Variants in ZNF232 observed in about 807,000 individuals in gnomAD.
ZNF232 encodes zinc finger protein 232.
ZNF232 carries 25 observed loss-of-function variants against 25.2 expected under a neutral mutation model. That is an observed-to-expected ratio of 0.99 (90% CI 0.72 to 1.39). The LOEUF (loss-of-function observed/expected upper bound fraction) is 1.39. Among genes scored for constraint, ZNF232 ranks in the 40% most tolerant of loss-of-function variants. The pLI is 0.00. For synonymous variants in ZNF232, 193 were observed against 182.9 expected (o/e 1.06, Z -0.45); for missense variants, 519 against 520.9 (o/e 1.00, Z 0.04).
chr17:5,109,812 C>T, exon 2 of ZNF232: 1 of 1,614,096 alleles, frequency 6.2e-7, no homozygotes, highest in Non-Finnish European at 8.5e-7. Context: ...TACAGCCATC[C>T]TAGTCTGCAC....
chr17:5,108,971 T>C (rs1372916511), exon 3 of ZNF232: 1 of 1,614,176 alleles, frequency 6.2e-7, no homozygotes, highest in East Asian at 2.2e-5. Flanking sequence ...AGCTGGATGC[T>C]CAGTGCTTCC....
At chr17:5,114,524 G>C (rs1000177183), upstream of ZNF232, 1 of 152,324 alleles carries the variant, frequency 6.6e-6, no homozygotes, top group Non-Finnish European at 1.5e-5. Context: ...TGGATTCTCT[G>C]ATGTTCTGTA....
chr17:5,115,478 G>C (rs183885531), upstream of ZNF232, among the ~76,000 whole-genome samples: 22 of 152,110 alleles, frequency 1.4e-4, no homozygotes, highest in Non-Finnish European at 2.4e-4. Context: ...TTTAACCCGG[G>C]AGGCGGAGGT....
intron 3 of ZNF232, among the ~76,000 whole-genome samples, chr17:5,107,150 A>G (rs995228642): frequency 7.3e-5 from 11 of 151,640 alleles, no homozygotes; most frequent in Non-Finnish European, 1.6e-4. Flanking sequence ...GCACTTTGGG[A>G]GGCCAGGGCG....
intron 1 of ZNF232, chr17:5,121,643 C>T (rs1419869636): frequency 2.5e-5 from 4 of 159,212 alleles, no homozygotes; most frequent in East Asian, 1.9e-4. Flanking sequence ...AGCTCTGCTG[C>T]GACGCGGAGC....
intron 3 of ZNF232, 72 bp from the exon 4 acceptor site, chr17:5,106,605 A>G (rs1184431454): frequency 4.7e-6 from 6 of 1,266,608 alleles, no homozygotes; most frequent in Non-Finnish European, 5.4e-6. Context: ...CTTAAAAACA[A>G]CTATATATAT....
intron 1 of ZNF232, chr17:5,120,812 T>G: frequency 2.2e-6 from 1 of 452,196 alleles, no homozygotes; most frequent in Admixed American, 2.4e-5. Flanking sequence ...TGTAAGCAGG[T>G]GTGCACACAT....
upstream of ZNF232, among the ~76,000 whole-genome samples, chr17:5,115,595 A>G (rs544854714): frequency 2.8e-5 from 4 of 143,528 alleles, no homozygotes; most frequent in African/African-American, 1.1e-4. Context: ...AACGGAACAG[A>G]GGCAGTTCTG....
At chr17:5,115,126 T>C (rs1028405048), upstream of ZNF232, 1 of 144,140 alleles carries the variant, frequency 6.9e-6, no homozygotes, top group African/African-American at 2.6e-5. Flanking sequence ...CTAAAAATTC[T>C]GGAACGAGCC....
upstream of ZNF232, chr17:5,111,920 C>T (rs2072425146): frequency 1.3e-6 from 2 of 1,517,520 alleles, no homozygotes; most frequent in Non-Finnish European, 1.8e-6. Context: ...TCCCAGAATC[C>T]TCCTCGCCGC....
At chr17:5,119,240 G>A (rs1233854246) in intron 1 of ZNF232, among the ~76,000 whole-genome samples, 1 of 152,130 alleles carries the variant, frequency 6.6e-6, no homozygotes, top group African/African-American at 2.4e-5. Flanking sequence ...TCTTATGAAG[G>A]CAAACTTTGA....
rs375439199 is a variant in ZNF232 at position 5,105,958 on chromosome 17, A to G, written c.1174T>C (p.Tyr392His). 76 of 1,614,086 alleles carry G rather than the reference A, an allele frequency of 4.7e-5. No individual in the cohort carries two copies. Among genetic ancestry groups the G allele is most frequent in the Non-Finnish European group, 4.6e-5 (54 of 1,180,046 alleles). ...TGAATTCTCCGATGCTGACTTAGAT[A>G]TGAGCTTTGACTAAAGGCCTTCCCA... Residue 392 changes from tyrosine to histidine, a missense_variant, in exon 4 of 4, where the codon TAT becomes CAT. Coordinates refer to ENST00000575898, the Ensembl canonical transcript of ZNF232.
At chr17:5,119,716 A>C (rs1427520957) in intron 1 of ZNF232, among the ~76,000 whole-genome samples, 1 of 152,202 alleles carries the variant, frequency 6.6e-6, no homozygotes, top group Non-Finnish European at 1.5e-5. Context: ...GCTAATTATT[A>C]TAATTAATTA....
chr17:5,110,666 C>G (rs1365740388), intron 1 of ZNF232, among the ~76,000 whole-genome samples: 3 of 152,076 alleles, frequency 2.0e-5, no homozygotes, highest in African/African-American at 7.2e-5. Context: ...ATGCCAAAGC[C>G]CTATTAAGGG....
At chr17:5,114,834 ATAAC>A (rs1471251380), upstream of ZNF232, 1 of 152,030 alleles carries the variant, frequency 6.6e-6, no homozygotes, top group Non-Finnish European at 1.5e-5. Context: ...GTCCCAAAAA[ATAAC>A]AAACAAACAA....
intron 3 of ZNF232, among the ~76,000 whole-genome samples, chr17:5,107,626 C>T (rs1227418257): frequency 6.7e-6 from 1 of 149,960 alleles, no homozygotes; most frequent in Non-Finnish European, 1.5e-5. Context: ...GCAACCTCTG[C>T]TTCCCTGGTT....
At chr17:5,120,531 G>T (rs1220232221) in intron 1 of ZNF232, 1 of 347,470 alleles carries the variant, frequency 2.9e-6, no homozygotes, top group Non-Finnish European at 5.6e-6. Flanking sequence ...CTGTCTGTCT[G>T]TCATCTGCAC....
chr17:5,120,583 C>T, intron 1 of ZNF232: 1 of 360,036 alleles, frequency 2.8e-6, no homozygotes, highest in Non-Finnish European at 5.4e-6. Context: ...AGGGTCTTTC[C>T]CCAGGATGGC....
upstream of ZNF232, among the ~76,000 whole-genome samples, chr17:5,116,115 G>A (rs9911000): frequency 0.44 from 66,304 of 152,120 alleles, 15,113 homozygotes; most frequent in Non-Finnish European, 0.51. Flanking sequence ...GTCTCCAGGC[G>A]CCCATCAGTC....
Sources: gnomAD v4.1 joint callset for allele counts (sites outside exome capture counted in the v4.1 genomes callset) on GRCh38, gnomAD v4.1.1 for gene constraint, MANE v1.5 for transcripts, NCBI Gene and HGNC (gene_info 2026-07-23, HGNC 2026-07-21) for gene names.